Variants in NOS1AP observed in about 807,000 individuals in gnomAD.
The protein encoded by NOS1AP is carboxyl-terminal PDZ ligand of neuronal nitric oxide synthase protein.
A neutral mutation model predicts 56.2 loss-of-function variants in NOS1AP; 21 were observed. That is an observed-to-expected ratio of 0.37 (90% CI 0.26 to 0.54). The LOEUF is 0.54. Among genes scored for constraint, NOS1AP ranks in the 20% least tolerant of loss-of-function variants. NOS1AP has a pLI of 0.84. For synonymous variants in NOS1AP, 270 were observed against 274.6 expected (o/e 0.98, Z 0.17); for missense variants, 522 against 657.8 (o/e 0.79, Z 2.26).
At chr1:162,172,404 A>G (rs1268495026) in intron 2 of NOS1AP, among the ~76,000 whole-genome samples, 2 of 152,192 alleles carry the variant, frequency 1.3e-5, no homozygotes, top group Non-Finnish European at 2.9e-5. Context: ...CCTTGACACA[A>G]AAGAATGGCT....
chr1:162,311,468 TA>T (rs1214264899), intron 4 of NOS1AP, among the ~76,000 whole-genome samples: 1 of 152,216 alleles, frequency 6.6e-6, no homozygotes, highest in Non-Finnish European at 1.5e-5. Flanking sequence ...AGCAAGGGAT[TA>T]ATGACTTATA....
intron 2 of NOS1AP, among the ~76,000 whole-genome samples, chr1:162,236,749 C>G (rs1653304747): frequency 6.6e-6 from 1 of 152,140 alleles, no homozygotes; most frequent in Non-Finnish European, 1.5e-5. Flanking sequence ...AATGTTGTCT[C>G]TATAAATCGA....
Position 162,070,085 on chromosome 1 carries a change from G to T in NOS1AP, c.-93G>T, listed in dbSNP as rs904632527. ...GCGCTCCCAGGCCCCGCCACGCGTC[G>T]CCGCGCCCAGCTCCAGTCTCCCCTC... On this transcript the variant is annotated 5_prime_UTR_variant, in exon 1 of 10. Coordinates refer to ENST00000361897, the MANE Select transcript of NOS1AP (RefSeq NM_014697.3). 13 of 1,050,750 alleles carry T rather than the reference G, an allele frequency of 1.2e-5. No individual in the cohort carries two copies. The African/African-American group carries it at 2.1e-4, about 17-fold the overall frequency. 65.1% of individuals were successfully genotyped at this position (1,050,750 alleles called of 1,614,324 possible). A position where few individuals can be genotyped will look rare whatever the true frequency, so the allele number is the denominator to read the frequency against.
chr1:162,308,706 G>A lies in NOS1AP; in HGVS notation c.344+8000G>A, dbSNP rs995518053. Among the ~76,000 whole-genome samples, 16 of 152,186 alleles carry A rather than the reference G, an allele frequency of 1.1e-4. No homozygotes were observed. In the East Asian group the frequency reaches 1.5e-3, roughly 15 times the overall value. ...CAGGAGATGTGCTTAAAGGAATTCCGTCCATTACCACAGAGCTTGTATTGA... is the reference window on the plus strand; with the variant it reads ...CAGGAGATGTGCTTAAAGGAATTCCATCCATTACCACAGAGCTTGTATTGA... On this transcript the variant is annotated intron_variant, in intron 4 of 9. Coordinates refer to ENST00000361897, the MANE Select transcript of NOS1AP (RefSeq NM_014697.3).
intron 6 of NOS1AP, among the ~76,000 whole-genome samples, chr1:162,345,816 A>T (rs1474514570): frequency 6.6e-6 from 1 of 152,224 alleles, no homozygotes; most frequent in African/African-American, 2.4e-5. Flanking sequence ...TAATTAGATA[A>T]ACTGATACTT....
chr1:162,217,818 G>C (rs1652633750), intron 2 of NOS1AP, among the ~76,000 whole-genome samples: 1 of 152,204 alleles, frequency 6.6e-6, no homozygotes, highest in Non-Finnish European at 1.5e-5. Flanking sequence ...CCTGCTGCCT[G>C]GTTTATGACC....
intron 1 of NOS1AP, among the ~76,000 whole-genome samples, chr1:162,090,893 T>G (rs1692113442): frequency 6.6e-6 from 1 of 152,178 alleles, no homozygotes; most frequent in South Asian, 2.1e-4. Flanking sequence ...TTTCTAAGGA[T>G]GTTATTTTGT....
At chr1:162,299,982 T>C (rs1223254848) in intron 3 of NOS1AP, among the ~76,000 whole-genome samples, 1 of 152,132 alleles carries the variant, frequency 6.6e-6, no homozygotes, top group Non-Finnish European at 1.5e-5. Flanking sequence ...ATTAATCCAC[T>C]GTATACCCCT....
At chr1:162,358,850 C>T (rs189995738) in intron 8 of NOS1AP, among the ~76,000 whole-genome samples, 6 of 152,264 alleles carry the variant, frequency 3.9e-5, no homozygotes, top group South Asian at 4.1e-4. Flanking sequence ...CATTTGAATT[C>T]GAAGTCACTG....
intron 4 of NOS1AP, among the ~76,000 whole-genome samples, chr1:162,308,184 G>A (rs913436640): frequency 1.3e-5 from 2 of 152,366 alleles, no homozygotes; most frequent in East Asian, 3.9e-4. Flanking sequence ...TAATGTAGAA[G>A]ATATGATTAC....
intron 8 of NOS1AP, chr1:162,364,112 A>C: frequency 1.0e-6 from 1 of 985,432 alleles, no homozygotes; most frequent in Non-Finnish European, 1.2e-6. Context: ...CCCTAAAAAA[A>C]TGTGAATCTC....
chr1:162,119,770 A>G (rs994321814), intron 1 of NOS1AP, among the ~76,000 whole-genome samples: 2 of 152,196 alleles, frequency 1.3e-5, no homozygotes, highest in South Asian at 4.1e-4. Flanking sequence ...TTTGTGAGGT[A>G]TTGAAGGGTA....
At position 162,315,888 on chromosome 1, in the gene NOS1AP, C is replaced by T. The variant is rs570049687; in HGVS notation, c.344+15182C>T. 3.3e-5 allele frequency among the ~76,000 whole-genome samples: 5 copies of T among 152,340 alleles called. No homozygotes were observed. The East Asian group carries it at 9.7e-4, about 29-fold the overall frequency. On this transcript the variant is annotated intron_variant, in intron 4 of 9. Coordinates refer to ENST00000361897, the MANE Select transcript of NOS1AP (RefSeq NM_014697.3). ...GTCCTTTGGACCCTAAGGTGCTATA[C>T]AGCCCTTAAGTTTATCCTTTTATTG...
At chr1:162,227,280 T>TA (rs1053209571) in intron 2 of NOS1AP, among the ~76,000 whole-genome samples, 72 of 152,346 alleles carry the variant, frequency 4.7e-4, no homozygotes, top group African/African-American at 1.3e-3. Context: ...AAGAGGGCCA[T>TA]ATTAACATTT....
intron 2 of NOS1AP, among the ~76,000 whole-genome samples, chr1:162,268,043 G>A (rs1208665210): frequency 1.3e-5 from 2 of 152,110 alleles, no homozygotes; most frequent in East Asian, 3.9e-4. Context: ...CGGGTTACTT[G>A]AGGTCAGGAG....
chr1:162,111,719 A>G (rs1423740511), intron 1 of NOS1AP, among the ~76,000 whole-genome samples: 1 of 152,212 alleles, frequency 6.6e-6, no homozygotes, highest in Admixed American at 6.5e-5. Context: ...CCTGCCAAAT[A>G]CAAGGAGAAT....
chr1:162,237,367 C>G (rs1289130113), intron 2 of NOS1AP, among the ~76,000 whole-genome samples: 1 of 152,172 alleles, frequency 6.6e-6, no homozygotes, highest in Non-Finnish European at 1.5e-5. Flanking sequence ...AATTAGAGGT[C>G]AGGAGATTTG....
At chr1:162,277,939 C>G (rs1315608544) in intron 2 of NOS1AP, among the ~76,000 whole-genome samples, 1 of 152,168 alleles carries the variant, frequency 6.6e-6, no homozygotes, top group African/African-American at 2.4e-5. Flanking sequence ...TCTCTTCTTC[C>G]TGATTCCTTA....
intron 1 of NOS1AP, among the ~76,000 whole-genome samples, chr1:162,079,158 A>G (rs1050492647): frequency 6.6e-6 from 1 of 152,098 alleles, no homozygotes; most frequent in African/African-American, 2.4e-5. Flanking sequence ...ACCCCCCAGC[A>G]TGGCCTCTTT....
Sources: allele counts gnomAD v4.1 joint callset (sites outside exome capture counted in the v4.1 genomes callset), GRCh38; gene constraint gnomAD v4.1.1; transcripts MANE v1.5; gene names NCBI Gene and HGNC (gene_info 2026-07-23, HGNC 2026-07-21).